The following FAM135B variants were observed in gnomAD, a reference collection of about 807,000 sequenced individuals.
The protein encoded by FAM135B is family with sequence similarity 135 member B.
In FAM135B, 43 loss-of-function variants were observed where a neutral mutation model predicts 127.7. The ratio of observed to expected loss-of-function variants is 0.34; its 90% CI spans 0.26 to 0.43. The LOEUF (loss-of-function observed/expected upper bound fraction) is 0.43. Among genes scored for constraint, FAM135B ranks in the 20% least tolerant of loss-of-function variants. FAM135B has a pLI of 1.00. For missense variants in FAM135B, 1,558 were observed against 1,725.6 expected, an observed-to-expected ratio of 0.90 and a Z score of 1.72; for synonymous variants, 670 against 665.1, an observed-to-expected ratio of 1.01 and a Z score of -0.11.
At chr8:138,456,518 C>A (rs963326159) in intron 1 of FAM135B, among the ~76,000 whole-genome samples, 1 of 152,128 alleles carries the variant, frequency 6.6e-6, no homozygotes, top group African/African-American at 2.4e-5. Context: ...AGGGAGAAGG[C>A]ATTATCTAAT....
chr8:138,297,823 G>A (rs979598884), intron 3 of FAM135B, among the ~76,000 whole-genome samples: 1 of 152,228 alleles, frequency 6.6e-6, no homozygotes, highest in Non-Finnish European at 1.5e-5. Context: ...AGAAGTGAGG[G>A]TGGATAAGGG....
chr8:138,151,511 A>C lies in FAM135B; in HGVS notation c.2964T>G (p.Thr988=). 6.2e-7 allele frequency: 1 copy of C among 1,614,260 alleles called. No homozygotes were observed. Among genetic ancestry groups the C allele is most frequent in the Non-Finnish European group, 8.5e-7 (1 of 1,180,050 alleles). ...AKHKAGTVCP[T]VTHSVHSQVL... ...CCTGGGAATGAACGGAATGGGTCAC[A>C]GTGGGGCACACAGTGCCTGCTTTAT... The change falls in exon 13 of 20, where the codon ACT becomes ACG. Residue 988 remains threonine (T), a synonymous_variant. Transcript: ENST00000395297.
chr8:138,335,004 T>A (rs1012678344), intron 2 of FAM135B, among the ~76,000 whole-genome samples: 1 of 152,194 alleles, frequency 6.6e-6, no homozygotes, highest in Non-Finnish European at 1.5e-5. Context: ...AGAAGAAAAG[T>A]CTACATTTTC....
intron 1 of FAM135B, among the ~76,000 whole-genome samples, chr8:138,487,162 C>T (rs1011087324): frequency 2.6e-4 from 40 of 152,094 alleles, no homozygotes; most frequent in Non-Finnish European, 1.3e-4. Flanking sequence ...ATTTACATGA[C>T]CCTGTCTCAC....
chr8:138,254,555 G>A (rs1001991460), intron 5 of FAM135B, among the ~76,000 whole-genome samples: 1 of 152,170 alleles, frequency 6.6e-6, no homozygotes, highest in Non-Finnish European at 1.5e-5. Flanking sequence ...ATAAAGTCAG[G>A]GCTTTACTTC....
intron 2 of FAM135B, among the ~76,000 whole-genome samples, chr8:138,362,253 C>T (rs1287477672): frequency 1.3e-5 from 2 of 150,192 alleles, no homozygotes; most frequent in African/African-American, 4.9e-5. Flanking sequence ...ACCAGCCCCA[C>T]CTCCCTCTCA....
At chr8:138,295,870 T>A (rs531549789) in intron 3 of FAM135B, among the ~76,000 whole-genome samples, 1 of 152,246 alleles carries the variant, frequency 6.6e-6, no homozygotes, top group South Asian at 2.1e-4. Flanking sequence ...AATTTGATGA[T>A]CTGGTAGGAA....
At chr8:138,222,685 T>G (rs984771010) in intron 7 of FAM135B, among the ~76,000 whole-genome samples, 6 of 149,880 alleles carry the variant, frequency 4.0e-5, no homozygotes, top group East Asian at 3.9e-4. Flanking sequence ...GGTGTTTTTT[T>G]TTTTTTTTTT....
At chr8:138,209,365 C>T (rs1353212452) in intron 7 of FAM135B, among the ~76,000 whole-genome samples, 2 of 152,134 alleles carry the variant, frequency 1.3e-5, no homozygotes, top group Non-Finnish European at 2.9e-5. Flanking sequence ...TGGACAGATG[C>T]TGCTGCAGTT....
At chr8:138,257,228 C>A (rs2130551053) in intron 4 of FAM135B, among the ~76,000 whole-genome samples, 1 of 152,222 alleles carries the variant, frequency 6.6e-6, no homozygotes, top group South Asian at 2.1e-4. Flanking sequence ...GCACCATTGC[C>A]CACGTGTCCA....
chr8:138,257,782 C>G (rs953234552), intron 4 of FAM135B, among the ~76,000 whole-genome samples: 1 of 151,804 alleles, frequency 6.6e-6, no homozygotes, highest in African/African-American at 2.4e-5. Context: ...TGTTTAGACC[C>G]CATAGTATTT....
chr8:138,456,518 C>CA (rs747178427), intron 1 of FAM135B, among the ~76,000 whole-genome samples: 69 of 152,246 alleles, frequency 4.5e-4, no homozygotes, highest in Non-Finnish European at 7.2e-4. Flanking sequence ...AGGGAGAAGG[C>CA]ATTATCTAAT....
intron 7 of FAM135B, among the ~76,000 whole-genome samples, chr8:138,199,496 T>C (rs1816934570): frequency 6.6e-6 from 1 of 152,190 alleles, no homozygotes; most frequent in African/African-American, 2.4e-5. Flanking sequence ...GTGCTGGGCC[T>C]GCAGAGTTAC....
intron 7 of FAM135B, among the ~76,000 whole-genome samples, chr8:138,211,951 T>A (rs1818175770): frequency 6.6e-6 from 1 of 151,942 alleles, no homozygotes; most frequent in Non-Finnish European, 1.5e-5. Context: ...ACCTGTAATC[T>A]CAGCTACTCG....
At position 138,462,853 on chromosome 8, in the gene FAM135B, C is replaced by A. The variant is rs146457395; in HGVS notation, c.-20+33818G>T. On this transcript the variant is annotated intron_variant, in intron 1 of 19. Transcript: ENST00000395297. ...AGCTGGGTCCAGATTTGGGGAAAGT[C>A]AACGCCCAGCCCATGGCTGAGTTTC... 3.1e-3 allele frequency among the ~76,000 whole-genome samples: 478 copies of A among 152,308 alleles called. 4 individuals carry two copies. The highest frequency in any genetic ancestry group is 5.5e-3 in the Non-Finnish European group (376 of 68,032).
chr8:138,317,912 C>T (rs1477004109), intron 2 of FAM135B, among the ~76,000 whole-genome samples: 2 of 152,238 alleles, frequency 1.3e-5, no homozygotes, highest in East Asian at 3.9e-4. Context: ...GGAGCAGCTG[C>T]TACTTAGCAG....
chr8:138,170,309 A>G lies in FAM135B; in HGVS notation c.1104-2260T>C, dbSNP rs113245113. On this transcript the variant is annotated intron_variant, in intron 11 of 19. Coordinates refer to ENST00000395297, the MANE Select transcript of FAM135B (RefSeq NM_015912.4). ...ACAATCTCGGCTCACCGCAACCTCCACCTCCTGGGTTCATGCGATTTTCCT... is the reference window on the plus strand; with the variant it reads ...ACAATCTCGGCTCACCGCAACCTCCGCCTCCTGGGTTCATGCGATTTTCCT... Among the ~76,000 whole-genome samples, 270 of 135,042 alleles carry G rather than the reference A, an allele frequency of 2.0e-3. 1 individual carries two copies. The highest frequency in any genetic ancestry group is 7.1e-3 in the African/African-American group (249 of 34,848). The allele number at this position is 135,042 out of a possible 152,430, so 88.6% of individuals were successfully genotyped here. A position where few individuals can be genotyped will look rare whatever the true frequency, so the allele number is the denominator to read the frequency against.
At chr8:138,206,384 C>T (rs1369908388) in intron 7 of FAM135B, among the ~76,000 whole-genome samples, 2 of 148,764 alleles carry the variant, frequency 1.3e-5, no homozygotes, top group African/African-American at 2.5e-5. Context: ...ACTCTATCAT[C>T]CCCTCCACCT....
chr8:138,255,416 G>A (rs1241609820), intron 5 of FAM135B, among the ~76,000 whole-genome samples: 1 of 152,182 alleles, frequency 6.6e-6, no homozygotes. Flanking sequence ...AGCCAAGGGA[G>A]GAGGTCTTCA....
Sources: gnomAD v4.1 joint callset for allele counts (sites outside exome capture counted in the v4.1 genomes callset) on GRCh38, gnomAD v4.1.1 for gene constraint, MANE v1.5 for transcripts, NCBI Gene and HGNC (gene_info 2026-07-23, HGNC 2026-07-21) for gene names.